Variants in HSPA12A observed in about 807,000 individuals in gnomAD.
HSPA12A encodes the protein heat shock protein family A (Hsp70) member 12A.
Under a neutral mutation model 69.2 loss-of-function variants are expected in HSPA12A, and 28 were observed. The observed-to-expected ratio is 0.40, with a 90% CI of 0.30 to 0.55. HSPA12A has a LOEUF of 0.55. HSPA12A is among the 20% of genes least tolerant of loss of function. The probability of loss-of-function intolerance (pLI) is 0.38; values close to 1 mark genes in which losing one functional copy is unlikely to be tolerated. For missense variants in HSPA12A, 686 were observed against 900.7 expected, an observed-to-expected ratio of 0.76 and a Z score of 3.05; for synonymous variants, 345 against 370.5, an observed-to-expected ratio of 0.93 and a Z score of 0.79.
intron 2 of HSPA12A, among the ~76,000 whole-genome samples, chr10:116,791,580 T>G (rs1317936754): frequency 6.6e-6 from 1 of 152,198 alleles, no homozygotes; most frequent in Non-Finnish European, 1.5e-5. Flanking sequence ...ATTTTTTAGC[T>G]ACATATTATT....
chr10:116,753,698 C>G (rs782750975), intron 2 of HSPA12A, among the ~76,000 whole-genome samples: 2 of 152,168 alleles, frequency 1.3e-5, no homozygotes, highest in African/African-American at 4.8e-5. Context: ...TAGGGCAAAC[C>G]CCTGCAAAGA....
intron 2 of HSPA12A, among the ~76,000 whole-genome samples, chr10:116,817,538 GGAT>G (rs1254124654): frequency 6.7e-6 from 1 of 148,514 alleles, no homozygotes; most frequent in Non-Finnish European, 1.5e-5. Context: ...GGGGTGGGGG[GGAT>G]GGCATATTCA....
intron 2 of HSPA12A, among the ~76,000 whole-genome samples, chr10:116,791,378 C>G (rs983834705): frequency 7.9e-5 from 12 of 152,164 alleles, no homozygotes; most frequent in African/African-American, 2.7e-4. Flanking sequence ...GGTTATTATT[C>G]AGGAAAAATA....
chr10:116,678,405 C>T (rs1384364435), intron 10 of HSPA12A, among the ~76,000 whole-genome samples: 7 of 135,108 alleles, frequency 5.2e-5, no homozygotes, highest in African/African-American at 1.1e-4. Flanking sequence ...TGTAACACCA[C>T]GGACGTGAGA....
intron 6 of HSPA12A, among the ~76,000 whole-genome samples, chr10:116,685,249 C>G (rs1849544817): frequency 6.6e-6 from 1 of 152,116 alleles, no homozygotes; most frequent in Admixed American, 6.6e-5. Flanking sequence ...TCACAAATAA[C>G]TTCTCATCAG....
intron 2 of HSPA12A, chr10:116,834,831 G>C (rs976090876): frequency 9.1e-6 from 5 of 549,732 alleles, no homozygotes; most frequent in South Asian, 9.6e-5. Context: ...AAGTTTAAAC[G>C]TCCCAGTTTT....
intron 1 of HSPA12A, among the ~76,000 whole-genome samples, chr10:116,713,623 C>A (rs962882570): frequency 3.3e-5 from 5 of 152,046 alleles, no homozygotes; most frequent in African/African-American, 1.2e-4. Flanking sequence ...GGAAAAGCCC[C>A]GAGTCCCTGC....
intron 1 of HSPA12A, among the ~76,000 whole-genome samples, chr10:116,846,534 G>C (rs1250255047): frequency 1.3e-5 from 2 of 151,894 alleles, no homozygotes; most frequent in Admixed American, 1.3e-4. Context: ...ATTTTTAGTA[G>C]AGACAGGGTT....
chr10:116,812,900 A>C (rs1224243822), intron 2 of HSPA12A, among the ~76,000 whole-genome samples: 1 of 152,144 alleles, frequency 6.6e-6, no homozygotes, highest in Non-Finnish European at 1.5e-5. Flanking sequence ...TCTAAAAAGG[A>C]AGGACAGAAA....
intron 1 of HSPA12A, among the ~76,000 whole-genome samples, chr10:116,846,510 C>T (rs971438184): frequency 2.0e-5 from 3 of 151,794 alleles, no homozygotes; most frequent in African/African-American, 4.8e-5. Context: ...CTGCCATGCC[C>T]GGCTAATTTT....
intron 2 of HSPA12A, among the ~76,000 whole-genome samples, chr10:116,766,015 T>C (rs1638410): frequency 0.87 from 132,295 of 152,142 alleles, 59,805 homozygotes; most frequent in Non-Finnish European, 0.98. Context: ...CCACCCTTCA[T>C]GCAACCAGGT....
At chr10:116,814,020 C>A (rs1318384964) in intron 2 of HSPA12A, among the ~76,000 whole-genome samples, 1 of 151,890 alleles carries the variant, frequency 6.6e-6, no homozygotes, top group Non-Finnish European at 1.5e-5. Context: ...CTGGAATTAG[C>A]CAAGAAGGAC....
At chr10:116,804,416 G>C (rs979849446) in intron 2 of HSPA12A, among the ~76,000 whole-genome samples, 5 of 152,052 alleles carry the variant, frequency 3.3e-5, no homozygotes, top group Non-Finnish European at 5.9e-5. Context: ...CGTCCTATGG[G>C]GCTCACATTT....
chr10:116,835,590 CCA>C (rs1418486618), intron 1 of HSPA12A, among the ~76,000 whole-genome samples: 1 of 152,142 alleles, frequency 6.6e-6, no homozygotes, highest in Non-Finnish European at 1.5e-5. Context: ...TTCCTAGAAC[CCA>C]CAGTTACATT....
chr10:116,750,586 A>C (rs1589684590), intron 2 of HSPA12A: 2 of 319,862 alleles, frequency 6.3e-6, no homozygotes, highest in Admixed American at 3.9e-5. Flanking sequence ...ACATAAAAAA[A>C]CAGCATAACT....
At chr10:116,813,236 T>C (rs1845229350) in intron 2 of HSPA12A, among the ~76,000 whole-genome samples, 2 of 126,280 alleles carry the variant, frequency 1.6e-5, no homozygotes, top group Admixed American at 9.3e-5. Flanking sequence ...AAAGAGGCCA[T>C]CCAGAGCTCT....
At chr10:116,785,013 A>T (rs938918149) in intron 2 of HSPA12A, among the ~76,000 whole-genome samples, 1 of 152,108 alleles carries the variant, frequency 6.6e-6, no homozygotes, top group African/African-American at 2.4e-5. Context: ...TTTTCTTGGC[A>T]TCATGAAGCA....
chr10:116,692,414 G>A lies in HSPA12A; in HGVS notation c.600C>T (p.Val200=), dbSNP rs781947501. 21 of 1,614,022 alleles carry A rather than the reference G, an allele frequency of 1.3e-5. No individual in the cohort carries two copies. The Admixed American group carries it at 3.5e-4, about 27-fold the overall frequency. ...SEFENSDVRW[V]ITVPAIWKQP... ...GCTTCCAGATGGCAGGCACCGTGATGACCCATCTGACATCAGAGTTCTCGA... is the reference window on the plus strand; with the variant it reads ...GCTTCCAGATGGCAGGCACCGTGATAACCCATCTGACATCAGAGTTCTCGA... Residue 200 remains valine, a synonymous_variant, in exon 6 of 12, where the codon GTC becomes GTT. Coordinates refer to ENST00000369209, the MANE Select transcript of HSPA12A (RefSeq NM_025015.3).
intron 1 of HSPA12A, among the ~76,000 whole-genome samples, chr10:116,714,794 C>T (rs987843574): frequency 6.6e-6 from 1 of 152,198 alleles, no homozygotes; most frequent in Non-Finnish European, 1.5e-5. Flanking sequence ...CAAACCTATC[C>T]ACAGGCCTTG....
Sources: gnomAD v4.1 joint callset for allele counts (sites outside exome capture counted in the v4.1 genomes callset) on GRCh38, gnomAD v4.1.1 for gene constraint, MANE v1.5 for transcripts, NCBI Gene and HGNC (gene_info 2026-07-23, HGNC 2026-07-21) for gene names.